The following TCF7L2 variants were observed in gnomAD, a reference collection of about 807,000 sequenced individuals.
The protein encoded by TCF7L2 is transcription factor 7 like 2, also known as transcription factor 7-like 2.
A neutral mutation model predicts 77.9 loss-of-function variants in TCF7L2; 23 were observed. The observed-to-expected ratio is 0.30, with a 90% CI of 0.21 to 0.42. TCF7L2 has a LOEUF of 0.42. TCF7L2 is among the 10% of genes least tolerant of loss of function. The probability of loss-of-function intolerance (pLI) is 1.00; values close to 1 mark genes in which losing one functional copy is unlikely to be tolerated. For missense variants in TCF7L2, 654 were observed against 793.1 expected, an observed-to-expected ratio of 0.82 and a Z score of 2.11; for synonymous variants, 413 against 340.2, an observed-to-expected ratio of 1.21 and a Z score of -2.36.
chr10:113,015,398 C>T (rs541808520), intron 4 of TCF7L2, among the ~76,000 whole-genome samples: 3 of 151,398 alleles, frequency 2.0e-5, no homozygotes, highest in African/African-American at 7.3e-5. Flanking sequence ...CAGCTCCCTG[C>T]CTCGTGCCAG....
chr10:113,042,271 G>A (rs770577373), intron 5 of TCF7L2, among the ~76,000 whole-genome samples: 3 of 152,204 alleles, frequency 2.0e-5, no homozygotes, highest in South Asian at 2.1e-4. Flanking sequence ...CTTAGCAGGC[G>A]TGTTGACCAT....
At chr10:113,020,882 AG>A (rs1474714680) in intron 4 of TCF7L2, among the ~76,000 whole-genome samples, 2 of 151,946 alleles carry the variant, frequency 1.3e-5, no homozygotes, top group Admixed American at 1.3e-4. Flanking sequence ...AGAATGAGGG[AG>A]GTGGGATGAG....
rs570849797 is a variant in TCF7L2 at position 113,108,439 on chromosome 10, C to T, written c.553-32745C>T. On this transcript the variant is annotated intron_variant, in intron 5 of 13. Transcript: ENST00000627217. ...GCTCATGGTGGGGGATTGAATGGGG[C>T]CATTGTGGGGGGGAGGGGTGCACAC... Among the ~76,000 whole-genome samples the T allele has an allele frequency of 4.5e-4, 69 of 151,958 alleles. 1 individual carries two copies. The South Asian group carries it at 0.014, about 31-fold the overall frequency.
At chr10:113,143,696 CA>C (rs1272134561) in intron 6 of TCF7L2, among the ~76,000 whole-genome samples, 4 of 152,186 alleles carry the variant, frequency 2.6e-5, no homozygotes, top group Non-Finnish European at 4.4e-5. Context: ...TGAGTCTACT[CA>C]GTATACCAGT....
chr10:113,030,398 G>T (rs971655260), intron 4 of TCF7L2, among the ~76,000 whole-genome samples: 2 of 152,010 alleles, frequency 1.3e-5, no homozygotes, highest in East Asian at 3.9e-4. Context: ...GCTGCTCCTT[G>T]TCTTCCAGCT....
At chr10:112,968,403 G>C (rs959397329) in intron 4 of TCF7L2, among the ~76,000 whole-genome samples, 2 of 151,990 alleles carry the variant, frequency 1.3e-5, no homozygotes, top group Non-Finnish European at 2.9e-5. Context: ...TAGTAAATAT[G>C]TTTTCTTTAT....
intron 5 of TCF7L2, among the ~76,000 whole-genome samples, chr10:113,123,280 A>G (rs981652563): frequency 4.6e-5 from 7 of 152,356 alleles, no homozygotes; most frequent in African/African-American, 1.7e-4. Flanking sequence ...AGAGCGCACA[A>G]AGATGCAGAT....
chr10:113,080,860 G>A (rs1225284028), intron 5 of TCF7L2, among the ~76,000 whole-genome samples: 7 of 152,194 alleles, frequency 4.6e-5, no homozygotes, highest in Non-Finnish European at 7.3e-5. Context: ...GCAGAAAATA[G>A]TGTGTTATTA....
chr10:112,981,237 G>C (rs1007842853), intron 4 of TCF7L2, among the ~76,000 whole-genome samples: 1 of 151,716 alleles, frequency 6.6e-6, no homozygotes, highest in African/African-American at 2.4e-5. Flanking sequence ...TTGGCACTCA[G>C]GGCTTGAATT....
At chr10:113,064,827 A>G (rs1040723471) in intron 5 of TCF7L2, among the ~76,000 whole-genome samples, 1 of 152,150 alleles carries the variant, frequency 6.6e-6, no homozygotes, top group Admixed American at 6.5e-5. Flanking sequence ...CCAAAATGAA[A>G]TTTCTTCCCC....
intron 2 of TCF7L2, 89 bp downstream of exon 2, chr10:112,951,362 C>G: frequency 9.9e-7 from 1 of 1,013,308 alleles, no homozygotes. Flanking sequence ...CCGGCTCGGC[C>G]TGGCCCTGCG....
chr10:113,052,435 A>G (rs1281295832), intron 5 of TCF7L2, among the ~76,000 whole-genome samples: 1 of 152,222 alleles, frequency 6.6e-6, no homozygotes, highest in African/African-American at 2.4e-5. Context: ...TGAGCCCCCT[A>G]CTGGATCTAT....
Position 112,991,423 on chromosome 10 carries a change from G to T in TCF7L2, c.450+26799G>T, listed in dbSNP as rs540162729. On this transcript the variant is annotated intron_variant, in intron 4 of 13. Coordinates refer to ENST00000627217, the MANE Select transcript of TCF7L2 (RefSeq NM_001146274.2). ...CTCGGGAGTCTGAGGCAGGAGAATG[G>T]CGTGAACCCGGGAGGCGGAGCTTGC... 8.2e-4 allele frequency among the ~76,000 whole-genome samples: 118 copies of T among 144,078 alleles called. 3 individuals are homozygous for T. In the South Asian group the frequency reaches 0.024, roughly 30 times the overall value. 94.5% of individuals were successfully genotyped at this position (144,078 alleles called of 152,430 possible).
chr10:113,161,654 C>T lies in TCF7L2; in HGVS notation c.1391+963C>T, dbSNP rs1420394429. 8 of 1,527,194 alleles carry T rather than the reference C, an allele frequency of 5.2e-6. No homozygotes were observed. In the East Asian group the frequency reaches 7.3e-5, roughly 14 times the overall value. 94.6% of individuals were successfully genotyped at this position (1,527,194 alleles called of 1,614,324 possible). A position where few individuals can be genotyped will look rare whatever the true frequency, so the allele number is the denominator to read the frequency against. On this transcript the variant is annotated intron_variant, in intron 13 of 13. Transcript: ENST00000627217. ...GCTTCCCTGTTTGTAGTGCCTCCCT[C>T]GTCACGTGTCCCTCCCCTTCATGAC...
chr10:113,118,809 T>C (rs913116021), intron 5 of TCF7L2, among the ~76,000 whole-genome samples: 1 of 152,092 alleles, frequency 6.6e-6, no homozygotes, highest in African/African-American at 2.4e-5. Flanking sequence ...CGATACTTTG[T>C]ATTACGCTCT....
At chr10:113,027,859 G>A (rs1008493169) in intron 4 of TCF7L2, among the ~76,000 whole-genome samples, 1 of 152,032 alleles carries the variant, frequency 6.6e-6, no homozygotes, top group Non-Finnish European at 1.5e-5. Flanking sequence ...TCTCTGGGAT[G>A]GTCTGTTCTT....
chr10:112,972,526 G>T (rs1017483081), intron 4 of TCF7L2, among the ~76,000 whole-genome samples: 3 of 152,206 alleles, frequency 2.0e-5, no homozygotes, highest in African/African-American at 7.2e-5. Context: ...CTGGAGCACA[G>T]TGGTGTGATC....
At chr10:113,138,763 G>A (rs290493) in intron 5 of TCF7L2, among the ~76,000 whole-genome samples, 27,858 of 152,010 alleles carry the variant, frequency 0.18, 3,619 homozygotes, top group East Asian at 0.69. Context: ...GCCTGTGTGC[G>A]TGTGGTCCTC....
chr10:113,112,344 A>G (rs1467393827), intron 5 of TCF7L2, among the ~76,000 whole-genome samples: 1 of 152,242 alleles, frequency 6.6e-6, no homozygotes, highest in Non-Finnish European at 1.5e-5. Flanking sequence ...GTTCACACAC[A>G]CACACATGCA....
Sources: gnomAD v4.1 joint callset for allele counts (sites outside exome capture counted in the v4.1 genomes callset) on GRCh38, gnomAD v4.1.1 for gene constraint, MANE v1.5 for transcripts, NCBI Gene and HGNC (gene_info 2026-07-23, HGNC 2026-07-21) for gene names.